The following DISP3 variants were observed in gnomAD, a reference collection of about 807,000 sequenced individuals.
DISP3 encodes the protein dispatched RND transporter family member 3.
A neutral mutation model predicts 135.3 loss-of-function variants in DISP3; 101 were observed. The ratio of observed to expected loss-of-function variants is 0.75; its 90% CI spans 0.64 to 0.88. The LOEUF (loss-of-function observed/expected upper bound fraction) is 0.88, where lower values mean the gene tolerates loss of function less well. DISP3 is among the 40% of genes least tolerant of loss of function. The pLI is 0.00. For missense variants in DISP3, 1,713 were observed against 1,878.6 expected (o/e 0.91, Z 1.63); for synonymous variants, 856 against 817.0 (o/e 1.05, Z -0.81).
chr1:11,514,399 G>C lies in DISP3; in HGVS notation c.1326G>C (p.Gln442His). Reference sequence around the variant, plus strand: ...TCCTCCCTTCCCCCAGCAAAGTCCAGGTTCTCTATGGGGGGACAGACCTGT... The same window carrying C: ...TCCTCCCTTCCCCCAGCAAAGTCCACGTTCTCTATGGGGGGACAGACCTGT... ...MLAKQSTSKV[Q>H]VLYGGTDLFD... is the part of the protein sequence containing the mutation. The change falls in exon 4 of 21, where the codon CAG (glutamine) becomes CAC (histidine). Residue 442 changes from glutamine to histidine, a missense_variant. By Grantham distance (24) the Gln-to-His change is conservative. Around this residue, in one of 2 missense-constraint regions of DISP3, gnomAD observed 1,142 missense variants for 1,384.6 expected, o/e 0.82. Transcript: ENST00000294484. The C allele has an allele frequency of 5.0e-6, 8 of 1,612,032 alleles. No individual in the cohort carries two copies. Among genetic ancestry groups the C allele is most frequent in the Non-Finnish European group, 6.8e-6 (8 of 1,178,106 alleles).
intron 6 of DISP3, among the ~76,000 whole-genome samples, chr1:11,517,129 G>T (rs1165471073): frequency 6.7e-6 from 1 of 149,844 alleles, no homozygotes; most frequent in East Asian, 2.2e-4. Flanking sequence ...CTAGCGGGAT[G>T]TGTCTTCCTC....
At position 11,501,470 on chromosome 1, in the gene DISP3, C is replaced by T. The variant is rs1029168725; in HGVS notation, c.478C>T (p.His160Tyr). The change falls in exon 2 of 21, where the codon CAT becomes TAT. Residue 160 changes from histidine (H) to tyrosine (Y), a missense_variant. Coordinates refer to ENST00000294484, the MANE Select transcript of DISP3 (RefSeq NM_020780.2). The surrounding 1 kb of genome is among the most constrained non-coding windows in gnomAD (Gnocchi z 4.9). ...RLISEQLQQLHLGNRSRQASR... is the reference protein window; with the variant it reads ...RLISEQLQQLYLGNRSRQASR... ...TATCTCAGAGCAGCTGCAGCAGCTG[C>T]ATCTCGGCAACCGCTCGCGGCAAGC... 6 of 1,604,984 alleles carry T rather than the reference C, an allele frequency of 3.7e-6. No individual in the cohort carries two copies. In the African/African-American group the frequency reaches 6.7e-5, roughly 18 times the overall value.
intron 10 of DISP3, 96 bp from the exon 11 acceptor site, chr1:11,523,846 A>T: frequency 1.0e-6 from 1 of 956,426 alleles, no homozygotes; most frequent in Non-Finnish European, 1.6e-6. Context: ...CCAGTTCCTG[A>T]GACTGTCTCA....
At chr1:11,530,392 G>T (rs1449759529) in intron 15 of DISP3, among the ~76,000 whole-genome samples, 1 of 152,192 alleles carries the variant, frequency 6.6e-6, no homozygotes, top group Non-Finnish European at 1.5e-5. Context: ...GGCACGTAGT[G>T]GGTGCTAAGG....
intron 5 of DISP3, 42 bp downstream of exon 5, chr1:11,515,545 G>T: frequency 1.3e-6 from 2 of 1,565,038 alleles, no homozygotes; most frequent in Non-Finnish European, 1.7e-6. Context: ...CTCCCACATG[G>T]GAAGTCTGCC....
intron 12 of DISP3, among the ~76,000 whole-genome samples, chr1:11,525,648 T>C (rs925075214): frequency 6.6e-6 from 1 of 152,212 alleles, no homozygotes; most frequent in Admixed American, 6.5e-5. Flanking sequence ...GGGTGTGAGG[T>C]GAGGCCTGTG....
At chr1:11,526,154 C>T (rs1570140075) in intron 12 of DISP3, among the ~76,000 whole-genome samples, 5 of 152,174 alleles carry the variant, frequency 3.3e-5, no homozygotes, top group East Asian at 1.9e-4. Context: ...CTCTAAGCCT[C>T]GCATGTGCAG....
intron 4 of DISP3, among the ~76,000 whole-genome samples, chr1:11,514,932 G>C (rs1330277262): frequency 6.6e-6 from 1 of 152,164 alleles, no homozygotes; most frequent in Non-Finnish European, 1.5e-5. Context: ...ACTAGCTGCT[G>C]CTTACTCCTG....
rs751361241 is a variant in DISP3, at chr1:11,536,445, C to T, written c.3938C>T (p.Ala1313Val). 5.6e-6 allele frequency: 9 copies of T among 1,613,566 alleles called. No homozygotes were observed. The East Asian group carries it at 2.0e-4, about 36-fold the overall frequency. ...GTGCCCCTCTTCTTCTGCATCATCG[C>T]CCCATTTGCCAAGTTCGGCAAGATT... ...ATVPLFFCII[A>V]PFAKFGKIVA... The change falls in exon 21 of 21, where the codon GCC becomes GTC. Residue 1313 changes from alanine to valine, a missense_variant. Transcript: ENST00000294484. This position sits in a 1 kb window ranked among gnomAD's most constrained non-coding sequence, Gnocchi z 4.3.
chr1:11,530,053 A>G, intron 15 of DISP3, 94 bp downstream of exon 15: 1 of 1,500,644 alleles, frequency 6.7e-7, no homozygotes, highest in Non-Finnish European at 8.9e-7. Context: ...AGCTCCTCAC[A>G]CCCCCTCTTG....
intron 3 of DISP3, among the ~76,000 whole-genome samples, 172 bp downstream of exon 3, chr1:11,503,069 C>T (rs140056690): frequency 1.4e-4 from 21 of 152,318 alleles, no homozygotes; most frequent in Non-Finnish European, 2.6e-4. Flanking sequence ...AATGGAAGTA[C>T]GCTTTGCTTG....
rs770114200 is a variant in DISP3 at position 11,519,304 on chromosome 1, C to G, written c.1890-51C>G. On this transcript the variant is annotated intron_variant, in intron 7 of 20. Coordinates refer to ENST00000294484, the MANE Select transcript of DISP3 (RefSeq NM_020780.2). The surrounding 1 kb of genome is among the most constrained non-coding windows in gnomAD (Gnocchi z 4.3). ...TCCTCAGGGCCCTGCCCCACCCTCC[C>G]TGGGTACCCAGGACCCTCTGGTTCA... 2 of 1,584,150 alleles carry G rather than the reference C, an allele frequency of 1.3e-6. No homozygotes were observed. The highest frequency in any genetic ancestry group is 1.7e-6 in the Non-Finnish European group (2 of 1,158,988).
chr1:11,515,587 G>T (rs1641987861), intron 5 of DISP3, 84 bp downstream of exon 5: 1 of 1,517,582 alleles, frequency 6.6e-7, no homozygotes, highest in African/African-American at 1.4e-5. Flanking sequence ...ACAAAGCCTG[G>T]CTTCCCTGGG....
Position 11,531,488 on chromosome 1 carries a change from C to T in DISP3, c.3230-77C>T, listed in dbSNP as rs532949170. 2.5e-5 allele frequency: 40 copies of T among 1,593,616 alleles called. No individual in the cohort carries two copies. In the East Asian group the frequency reaches 5.6e-4, roughly 22 times the overall value. ...TCTAAGCCTCAGAGGTATGTGAGTGCGTGGGCACAGGTGTGATGCAGGGGG... is the reference window on the plus strand; with the variant it reads ...TCTAAGCCTCAGAGGTATGTGAGTGTGTGGGCACAGGTGTGATGCAGGGGG... On this transcript the variant is annotated intron_variant, in intron 16 of 20. Coordinates refer to ENST00000294484, the MANE Select transcript of DISP3 (RefSeq NM_020780.2). This position sits in a 1 kb window ranked among gnomAD's most constrained non-coding sequence, Gnocchi z 5.2.
intron 1 of DISP3, among the ~76,000 whole-genome samples, chr1:11,487,739 G>A (rs951001224): frequency 5.3e-5 from 8 of 152,172 alleles, no homozygotes; most frequent in African/African-American, 1.9e-4. Context: ...CTCACTGCCT[G>A]CCCCACCCTC....
At position 11,483,115 on chromosome 1, in the gene DISP3, C is replaced by T. The variant is rs757961269; in HGVS notation, c.-4+3743C>T. On this transcript the variant is annotated intron_variant, in intron 1 of 20. Coordinates refer to ENST00000294484, the MANE Select transcript of DISP3 (RefSeq NM_020780.2). The surrounding 1 kb of genome is among the most constrained non-coding windows in gnomAD (Gnocchi z 5.4). Reference sequence around the variant, plus strand: ...GACCAGTCCAGGGATGGCGGCAGAGCCTCCCCCAGTGAGCTCACTCTCTGC... The same window carrying T: ...GACCAGTCCAGGGATGGCGGCAGAGTCTCCCCCAGTGAGCTCACTCTCTGC... Among the ~76,000 whole-genome samples the T allele has an allele frequency of 6.6e-6, 1 of 152,238 alleles. No homozygotes were observed. The highest frequency in any genetic ancestry group is 6.5e-5 in the Admixed American group (1 of 15,284).
intron 17 of DISP3, 80 bp from the exon 18 acceptor site, chr1:11,534,301 A>G (rs1208011079): frequency 1.3e-6 from 2 of 1,547,112 alleles, no homozygotes; most frequent in Non-Finnish European, 1.8e-6. Context: ...TGGTGGCCGC[A>G]GAACAGACCA....
chr1:11,532,431 T>A (rs1418675164), intron 17 of DISP3, among the ~76,000 whole-genome samples: 1 of 152,128 alleles, frequency 6.6e-6, no homozygotes, highest in Non-Finnish European at 1.5e-5. Flanking sequence ...CATGGGAAAG[T>A]CTGGGGACTA....
In DISP3 at chr1:11,524,027, G is replaced by A. The variant is rs1336016278; in HGVS notation, c.2448G>A (p.Trp816Ter). 1.7e-5 allele frequency: 27 copies of A among 1,613,230 alleles called. No homozygotes were observed. Among genetic ancestry groups the A allele is most frequent in the Non-Finnish European group, 2.1e-5 (25 of 1,179,750 alleles). ...EKKRRGSGVP[W>*]ASRPEATLQD... The stretch of plus-strand genomic sequence containing the variant: ...AGAGGCGAGGCTCAGGGGTCCCCTG[G>A]GCTAGCCGGCCTGAGGCCACCCTGC... The change falls in exon 11 of 21, where the codon TGG (tryptophan) becomes TGA (stop). Residue 816 changes from tryptophan (W) to a stop codon, truncating the protein, a stop_gained. Transcript: ENST00000294484. LOFTEE classifies it high-confidence loss of function.
Sources: allele counts gnomAD v4.1 joint callset (sites outside exome capture counted in the v4.1 genomes callset), GRCh38; gene constraint gnomAD v4.1.1; regional missense constraint gnomAD v4.1.1; non-coding constraint Gnocchi (gnomAD v3.1); transcripts MANE v1.5; gene names NCBI Gene and HGNC (gene_info 2026-07-23, HGNC 2026-07-21).